Variants in SV2B observed in about 807,000 individuals in gnomAD.
SV2B encodes synaptic vesicle glycoprotein 2B.
A neutral mutation model predicts 73.9 loss-of-function variants in SV2B; 41 were observed. That is an observed-to-expected ratio of 0.56 (90% CI 0.43 to 0.72). The LOEUF (loss-of-function observed/expected upper bound fraction) is 0.72. Ranked by LOEUF, SV2B falls within the 30% of genes least tolerant of loss-of-function variation. The pLI, the probability that SV2B is intolerant of heterozygous loss-of-function variation, is 0.00. For synonymous variants in SV2B, 314 were observed against 314.2 expected, an observed-to-expected ratio of 1.00 and a Z score of 0.01; for missense variants, 764 against 857.8, an observed-to-expected ratio of 0.89 and a Z score of 1.37.
intron 12 of SV2B, among the ~76,000 whole-genome samples, chr15:91,291,844 G>A (rs976798441): frequency 1.3e-5 from 2 of 152,212 alleles, no homozygotes; most frequent in Admixed American, 1.3e-4. Context: ...GGGAACTGCT[G>A]CCACTTGCAC....
chr15:91,185,369 A>G (rs1009345899), intron 1 of SV2B, among the ~76,000 whole-genome samples: 1 of 152,218 alleles, frequency 6.6e-6, no homozygotes, highest in Non-Finnish European at 1.5e-5. Flanking sequence ...GCATGTAGTT[A>G]TTTTGACATG....
chr15:91,190,120 A>T (rs995933058), intron 1 of SV2B, among the ~76,000 whole-genome samples: 3 of 152,036 alleles, frequency 2.0e-5, no homozygotes, highest in East Asian at 3.8e-4. Flanking sequence ...CTATTTTTTT[A>T]AATTTTATTA....
rs2048669561 is a variant in SV2B at position 91,281,145 on chromosome 15, A to G, written c.1374-583A>G. Among the ~76,000 whole-genome samples, 1 of 152,224 alleles carries G rather than the reference A, an allele frequency of 6.6e-6. No individual in the cohort carries two copies. Among genetic ancestry groups the G allele is most frequent in the Admixed American group, 6.5e-5 (1 of 15,290 alleles). Reference sequence around the variant, plus strand: ...TATCTCTTTGAATACATGGGCAAGTATGTGTAGGATAAATTCCTAGAGGTG... The same window carrying G: ...TATCTCTTTGAATACATGGGCAAGTGTGTGTAGGATAAATTCCTAGAGGTG... On this transcript the variant is annotated intron_variant, in intron 9 of 12. Coordinates refer to ENST00000394232, the MANE Select transcript of SV2B (RefSeq NM_001323032.3). The surrounding 1 kb of genome is among the most constrained non-coding windows in gnomAD (Gnocchi z 4.7).
intron 1 of SV2B, among the ~76,000 whole-genome samples, chr15:91,173,028 G>A (rs1357121354): frequency 4.6e-5 from 7 of 152,200 alleles, no homozygotes; most frequent in Non-Finnish European, 1.0e-4. Context: ...AAGATACAAA[G>A]AGGAGACTGC....
chr15:91,177,412 C>T (rs1233400278), intron 1 of SV2B, among the ~76,000 whole-genome samples: 9 of 151,160 alleles, frequency 6.0e-5, no homozygotes, highest in Admixed American at 3.3e-4. Context: ...AAAGTAGTTT[C>T]TTCCAATTCT....
In SV2B at chr15:91,288,201, T is replaced by G. The variant is rs2048925799; in HGVS notation, c.1709-1320T>G. ...CTTCAGGTTTCCCTTCAATAGCCCA[T>G]GTACAGGTGTGTTCTCACCAGGTTA... On this transcript the variant is annotated intron_variant, in intron 11 of 12. Transcript: ENST00000394232. The surrounding 1 kb of genome is among the most constrained non-coding windows in gnomAD (Gnocchi z 5.8). 6.6e-6 allele frequency among the ~76,000 whole-genome samples: 1 copy of G among 152,184 alleles called. No individual in the cohort carries two copies. Among genetic ancestry groups the G allele is most frequent in the South Asian group, 2.1e-4 (1 of 4,830 alleles).
chr15:91,194,415 GA>G (rs778413557), intron 1 of SV2B, among the ~76,000 whole-genome samples: 3 of 152,198 alleles, frequency 2.0e-5, no homozygotes, highest in Non-Finnish European at 2.9e-5. Context: ...GAGCAATGAT[GA>G]ATCAAGCTAC....
At position 91,241,182 on chromosome 15, in the gene SV2B, T is replaced by C. The variant is rs2046996532; in HGVS notation, c.452-10637T>C. Among the ~76,000 whole-genome samples the C allele has an allele frequency of 1.3e-5, 2 of 152,202 alleles. No homozygotes were observed. The highest frequency in any genetic ancestry group is 4.1e-4 in the South Asian group (2 of 4,838). On this transcript the variant is annotated intron_variant, in intron 2 of 12. Transcript: ENST00000394232. The surrounding 1 kb of genome is among the most constrained non-coding windows in gnomAD (Gnocchi z 4.8). ...AAAGTCCTCTCCAATCTTTAGACTT[T>C]TAACCTCTTATTACCCCCTTGTTCT...
In SV2B at chr15:91,121,687, G is replaced by A. The variant is rs557110749; in HGVS notation, c.-392+21324G>A. Among the ~76,000 whole-genome samples the A allele has an allele frequency of 6.6e-6, 1 of 152,080 alleles. No homozygotes were observed. Among genetic ancestry groups the A allele is most frequent in the African/African-American group, 2.4e-5 (1 of 41,464 alleles). On this transcript the variant is annotated intron_variant, in intron 1 of 12. Coordinates refer to ENST00000394232, the MANE Select transcript of SV2B (RefSeq NM_001323032.3). This position sits in a 1 kb window ranked among gnomAD's most constrained non-coding sequence, Gnocchi z 4.4. ...ACCAGCTCTCTTGAACCACATGGGT[G>A]CTTATCTTGCCCAGGGAATTAATTC...
At chr15:91,286,733 G>C (rs1180629397) in intron 11 of SV2B, among the ~76,000 whole-genome samples, 3 of 152,046 alleles carry the variant, frequency 2.0e-5, no homozygotes, top group African/African-American at 4.8e-5. Flanking sequence ...TTTAGAGATG[G>C]GGACAGTGAG....
chr15:91,213,977 C>G (rs560028228), intron 1 of SV2B, among the ~76,000 whole-genome samples: 1 of 152,244 alleles, frequency 6.6e-6, no homozygotes, highest in South Asian at 2.1e-4. Context: ...CACCATTTCT[C>G]TATGTGATTC....
Position 91,284,880 on chromosome 15 carries a change from G to A in SV2B, c.1708+659G>A, listed in dbSNP as rs1271759078. 6.6e-6 allele frequency among the ~76,000 whole-genome samples: 1 copy of A among 152,106 alleles called. No individual in the cohort carries two copies. The highest frequency in any genetic ancestry group is 2.1e-4 in the South Asian group (1 of 4,828). ...TTGCCTCATTCCATCGGGACTTGCA[G>A]CAATTTATTACAGAAACACATGCCA... On this transcript the variant is annotated intron_variant, in intron 11 of 12. Transcript: ENST00000394232. The surrounding 1 kb of genome is among the most constrained non-coding windows in gnomAD (Gnocchi z 4.5).
chr15:91,151,522 C>A (rs2141218641), intron 1 of SV2B, among the ~76,000 whole-genome samples: 1 of 152,330 alleles, frequency 6.6e-6, no homozygotes, highest in Non-Finnish European at 1.5e-5. Flanking sequence ...ATGGAGGCTG[C>A]ATGCCTGAAG....
At position 91,106,345 on chromosome 15, in the gene SV2B, C is replaced by T. The variant is rs531847016; in HGVS notation, c.-392+5982C>T. Among the ~76,000 whole-genome samples, 24 of 152,234 alleles carry T rather than the reference C, an allele frequency of 1.6e-4. No individual in the cohort carries two copies. The highest frequency in any genetic ancestry group is 4.6e-4 in the African/African-American group (19 of 41,512). ...ATCATTAGCATGTTATTTATTTTTC[C>T]GTGAGCCAAGTCACTGCTGTATCAC... On this transcript the variant is annotated intron_variant, in intron 1 of 12. Transcript: ENST00000394232. The surrounding 1 kb of genome is among the most constrained non-coding windows in gnomAD (Gnocchi z 4.4).
chr15:91,190,419 C>T (rs183303669), intron 1 of SV2B, among the ~76,000 whole-genome samples: 8 of 151,708 alleles, frequency 5.3e-5, no homozygotes, highest in Admixed American at 5.3e-4. Context: ...GGTAAAAATG[C>T]GCATTATTTT....
rs2041868288 is a variant in SV2B at position 91,105,892 on chromosome 15, T to TA, written c.-392+5536dup. Among the ~76,000 whole-genome samples the TA allele has an allele frequency of 6.6e-6, 1 of 151,724 alleles. No individual in the cohort carries two copies. Among genetic ancestry groups the TA allele is most frequent in the Admixed American group, 6.6e-5 (1 of 15,244 alleles). ...GGCAAAATCCCAACTCTACAACAAA[T>TA]AAAAAAATTAGCCAGGTGTGGTGGC... On this transcript the variant is annotated intron_variant, in intron 1 of 12. Transcript: ENST00000394232. This position sits in a 1 kb window ranked among gnomAD's most constrained non-coding sequence, Gnocchi z 5.5.
Position 91,283,214 on chromosome 15 carries a change from A to C in SV2B, c.1508-807A>C, listed in dbSNP as rs1016729216. 6.6e-6 allele frequency among the ~76,000 whole-genome samples: 1 copy of C among 152,238 alleles called. No homozygotes were observed. The highest frequency in any genetic ancestry group is 1.5e-5 in the Non-Finnish European group (1 of 68,030). On this transcript the variant is annotated intron_variant, in intron 10 of 12. Transcript: ENST00000394232. The surrounding 1 kb of genome is among the most constrained non-coding windows in gnomAD (Gnocchi z 4.3). ...TCTTAGAAGGTGTCAGAAGACTTGC[A>C]AACTGGTTCCAATGCAAATGGCTTT... is the stretch of plus-strand genomic sequence containing the variant.
chr15:91,203,860 C>G (rs933296227), intron 1 of SV2B, among the ~76,000 whole-genome samples: 1 of 151,848 alleles, frequency 6.6e-6, no homozygotes, highest in Admixed American at 6.6e-5. Flanking sequence ...CCCTCTCTCC[C>G]TCTCTCTCTC....
intron 1 of SV2B, among the ~76,000 whole-genome samples, chr15:91,158,733 C>CTCTT (rs1179462014): frequency 0.034 from 1,840 of 53,564 alleles, 469 homozygotes; most frequent in African/African-American, 0.12. Flanking sequence ...CCTCTCTTCT[C>CTCTT]CTCTTTTTTC....
Sources: gnomAD v4.1 joint callset for allele counts (sites outside exome capture counted in the v4.1 genomes callset) on GRCh38, gnomAD v4.1.1 for gene constraint, Gnocchi (gnomAD v3.1) non-coding constraint, MANE v1.5 for transcripts, NCBI Gene and HGNC (gene_info 2026-07-23, HGNC 2026-07-21) for gene names.